The following CAMKMT variants were observed in gnomAD, a reference collection of about 807,000 sequenced individuals.
CAMKMT encodes calmodulin-lysine N-methyltransferase.
Under a neutral mutation model 48.0 loss-of-function variants are expected in CAMKMT, and 53 were observed. That is an observed-to-expected ratio of 1.10 (90% CI 0.89 to 1.39). CAMKMT has a LOEUF of 1.39. Among genes scored for constraint, CAMKMT ranks in the 40% most tolerant of loss-of-function variants. CAMKMT has a pLI of 0.00. For missense variants in CAMKMT, 428 were observed against 402.7 expected (o/e 1.06, Z -0.54); for synonymous variants, 165 against 152.3 (o/e 1.08, Z -0.61).
chr2:44,644,596 A>G (rs1468741859), intron 3 of CAMKMT, among the ~76,000 whole-genome samples: 1 of 152,204 alleles, frequency 6.6e-6, no homozygotes, highest in Non-Finnish European at 1.5e-5. Context: ...AGGCTGATGA[A>G]TTTGCTGTTT....
chr2:44,414,258 T>A (rs1320114983), intron 3 of CAMKMT, among the ~76,000 whole-genome samples: 4 of 152,216 alleles, frequency 2.6e-5, no homozygotes, highest in Non-Finnish European at 4.4e-5. Context: ...ATTTAGCAGC[T>A]TAAAACAAAT....
At chr2:44,384,500 C>CTTTTTTTTTTT (rs141017634) in intron 2 of CAMKMT, among the ~76,000 whole-genome samples, 11 of 95,846 alleles carry the variant, frequency 1.1e-4, no homozygotes, top group African/African-American at 2.0e-4. Flanking sequence ...AGCTATTTAT[C>CTTTTTTTTTTT]TTTTTTTTTT....
intron 3 of CAMKMT, among the ~76,000 whole-genome samples, chr2:44,600,916 G>C (rs1179593369): frequency 6.6e-6 from 1 of 152,054 alleles, no homozygotes; most frequent in Non-Finnish European, 1.5e-5. Flanking sequence ...TAACAATTTT[G>C]ATAACTGTAC....
intron 3 of CAMKMT, among the ~76,000 whole-genome samples, chr2:44,674,300 T>G (rs1432929635): frequency 6.6e-6 from 1 of 152,236 alleles, no homozygotes; most frequent in Non-Finnish European, 1.5e-5. Context: ...ATTTGTATTT[T>G]GATATTATAA....
intron 7 of CAMKMT, among the ~76,000 whole-genome samples, chr2:44,735,380 C>A (rs1399394414): frequency 6.6e-6 from 1 of 152,114 alleles, no homozygotes; most frequent in Non-Finnish European, 1.5e-5. Flanking sequence ...TTAAATCTGT[C>A]ATTTTACTAT....
intron 4 of CAMKMT, among the ~76,000 whole-genome samples, chr2:44,705,943 T>TCG (rs1677530663): frequency 3.3e-5 from 5 of 152,182 alleles, no homozygotes; most frequent in African/African-American, 1.2e-4. Flanking sequence ...TGTTATCCTT[T>TCG]CCTAACACTT....
At chr2:44,479,670 G>A (rs1437134283) in intron 3 of CAMKMT, among the ~76,000 whole-genome samples, 1 of 152,102 alleles carries the variant, frequency 6.6e-6, no homozygotes, top group East Asian at 1.9e-4. Context: ...ACAATGGCTC[G>A]ATTTGTGGGT....
chr2:44,536,964 A>C (rs1666809855), intron 3 of CAMKMT, among the ~76,000 whole-genome samples: 1 of 152,208 alleles, frequency 6.6e-6, no homozygotes, highest in Non-Finnish European at 1.5e-5. Flanking sequence ...TTATATGCAG[A>C]AGAATGAAAC....
intron 7 of CAMKMT, among the ~76,000 whole-genome samples, chr2:44,727,413 C>G (rs1301857486): frequency 6.6e-6 from 1 of 152,124 alleles, no homozygotes. Context: ...TGATTTCACT[C>G]TCAGCCTGGA....
At chr2:44,394,910 G>C (rs548283948) in intron 3 of CAMKMT, 3 of 454,554 alleles carry the variant, frequency 6.6e-6, no homozygotes, top group African/African-American at 6.0e-5. Flanking sequence ...TGTAGTCCCA[G>C]CTACTCAGAA....
chr2:44,707,026 G>A (rs1677602108), intron 5 of CAMKMT, among the ~76,000 whole-genome samples: 1 of 151,950 alleles, frequency 6.6e-6, no homozygotes. Flanking sequence ...GCAATGCAAA[G>A]TTATATGAAG....
rs527298891 is a variant in CAMKMT at position 44,489,154 on chromosome 2, C to G, written c.376+98849C>G. On this transcript the variant is annotated intron_variant, in intron 3 of 10. Transcript: ENST00000378494. ...CAAAGTTCTGGGATTACAGGCATGA[C>G]CCACCAACGCTGGACTTTTAATTTT... 3.1e-3 allele frequency among the ~76,000 whole-genome samples: 466 copies of G among 151,970 alleles called. 2 individuals carry two copies. The highest frequency in any genetic ancestry group is 0.014 in the Middle Eastern group (4 of 292).
chr2:44,705,094 C>T (rs1298453716), intron 4 of CAMKMT, among the ~76,000 whole-genome samples: 5 of 152,086 alleles, frequency 3.3e-5, no homozygotes, highest in African/African-American at 1.2e-4. Flanking sequence ...GTGATCATAG[C>T]GTGTGTTTTA....
Position 44,611,439 on chromosome 2 carries a change from GA to G in CAMKMT, c.377-92831del, listed in dbSNP as rs78882825. On this transcript the variant is annotated intron_variant, in intron 3 of 10. Coordinates refer to ENST00000378494, the MANE Select transcript of CAMKMT (RefSeq NM_024766.5). ...CAAGAGCAAGACTTTGTCCCCAAAA[GA>G]AAAAAAAAAAAAGTATCTACCCAGA... Among the ~76,000 whole-genome samples, 535 of 114,230 alleles carry G rather than the reference GA, an allele frequency of 4.7e-3. 2 individuals are homozygous for G. The highest frequency in any genetic ancestry group is 0.013 in the East Asian group (52 of 3,986). The allele number at this position is 114,230 out of a possible 152,430, so 74.9% of individuals were successfully genotyped here.
chr2:44,590,082 C>G (rs527336787), intron 3 of CAMKMT, among the ~76,000 whole-genome samples: 4 of 151,332 alleles, frequency 2.6e-5, no homozygotes, highest in African/African-American at 9.7e-5. Context: ...ATGTTGTCTG[C>G]TAATATTGAC....
intron 3 of CAMKMT, among the ~76,000 whole-genome samples, chr2:44,678,667 A>G (rs766823): frequency 0.13 from 19,300 of 152,180 alleles, 1,322 homozygotes; most frequent in South Asian, 0.18. Context: ...TTCAGAAGCC[A>G]TGTTATGTTT....
intron 3 of CAMKMT, among the ~76,000 whole-genome samples, chr2:44,450,598 T>C (rs1179814934): frequency 6.6e-6 from 1 of 152,146 alleles, no homozygotes; most frequent in African/African-American, 2.4e-5. Context: ...TATTTTCATA[T>C]ACAGTTTCAA....
intron 3 of CAMKMT, among the ~76,000 whole-genome samples, chr2:44,649,457 A>G (rs1441566512): frequency 6.6e-6 from 1 of 152,024 alleles, no homozygotes; most frequent in African/African-American, 2.4e-5. Flanking sequence ...ACATTAATGG[A>G]GCAAGCAGAA....
chr2:44,401,804 C>A (rs1682396973), intron 3 of CAMKMT, among the ~76,000 whole-genome samples: 1 of 152,056 alleles, frequency 6.6e-6, no homozygotes, highest in African/African-American at 2.4e-5. Flanking sequence ...CTGAAGCCTT[C>A]TGATGTCTTC....
Sources: allele counts gnomAD v4.1 joint callset (sites outside exome capture counted in the v4.1 genomes callset), GRCh38; gene constraint gnomAD v4.1.1; transcripts MANE v1.5; gene names NCBI Gene and HGNC (gene_info 2026-07-23, HGNC 2026-07-21).